Variants in NEK10 observed in about 807,000 individuals in gnomAD.
NEK10 encodes serine/threonine-protein kinase Nek10.
A neutral mutation model predicts 159.8 loss-of-function variants in NEK10; 122 were observed. That is an observed-to-expected ratio of 0.76 (90% confidence interval 0.66 to 0.89). NEK10 has a LOEUF of 0.89. Ranked by LOEUF, NEK10 falls within the 40% of genes least tolerant of loss-of-function variation. NEK10 has a pLI of 0.00. For synonymous variants in NEK10, 466 were observed against 457.1 expected, an observed-to-expected ratio of 1.02 and a Z score of -0.25; for missense variants, 1,342 against 1,323.1, an observed-to-expected ratio of 1.01 and a Z score of -0.22.
intron 25 of NEK10, among the ~76,000 whole-genome samples, chr3:27,194,912 ATATT>A (rs1197452128): frequency 1.3e-5 from 2 of 152,338 alleles, no homozygotes; most frequent in Non-Finnish European, 2.9e-5. Context: ...ACAAAAAAAT[ATATT>A]TATTTTCTTC....
At chr3:27,366,806 C>A (rs985829964) in intron 1 of NEK10, among the ~76,000 whole-genome samples, 20 of 113,626 alleles carry the variant, frequency 1.8e-4, no homozygotes, top group Middle Eastern at 4.4e-3. Flanking sequence ...TCAGTGTGTT[C>A]ATTTTTTTTT....
chr3:27,140,895 T>C (rs1248101188), intron 31 of NEK10, among the ~76,000 whole-genome samples: 1 of 152,214 alleles, frequency 6.6e-6, no homozygotes, highest in Non-Finnish European at 1.5e-5. Context: ...TCTTCTGCAC[T>C]TCTTTGTCTA....
chr3:27,238,238 G>A (rs991295569), intron 23 of NEK10, among the ~76,000 whole-genome samples: 8 of 152,140 alleles, frequency 5.3e-5, no homozygotes, highest in Non-Finnish European at 1.2e-4. Flanking sequence ...ATTGGGATTC[G>A]ATCCAGATAT....
chr3:27,210,549 C>T (rs1361574464), intron 23 of NEK10, among the ~76,000 whole-genome samples: 2 of 152,186 alleles, frequency 1.3e-5, no homozygotes, highest in African/African-American at 4.8e-5. Context: ...ACTAGCCAGG[C>T]CTTTTCTTGT....
At chr3:27,291,228 GAGTATC>G (rs1321807090) in intron 18 of NEK10, 28 bp downstream of exon 18, 4 of 1,598,398 alleles carry the variant, frequency 2.5e-6, no homozygotes, top group Non-Finnish European at 3.4e-6. Context: ...GTTTGGTTGG[GAGTATC>G]AGAAATGTTC....
chr3:27,139,624 A>C (rs1943574708), intron 31 of NEK10, among the ~76,000 whole-genome samples: 1 of 152,222 alleles, frequency 6.6e-6, no homozygotes, highest in Non-Finnish European at 1.5e-5. Context: ...CACGTACTAC[A>C]GACTCCAGAT....
chr3:27,144,535 T>A (rs1254154463), intron 30 of NEK10, among the ~76,000 whole-genome samples: 1 of 152,228 alleles, frequency 6.6e-6, no homozygotes, highest in Non-Finnish European at 1.5e-5. Flanking sequence ...AATCCATTTT[T>A]CTACACCTCG....
chr3:27,164,261 A>C (rs1946280728), intron 29 of NEK10, among the ~76,000 whole-genome samples: 1 of 152,202 alleles, frequency 6.6e-6, no homozygotes. Flanking sequence ...ATGTGTAGGC[A>C]GGACAGCCCC....
chr3:27,223,902 T>A (rs1359357608), intron 23 of NEK10, among the ~76,000 whole-genome samples: 1 of 152,210 alleles, frequency 6.6e-6, no homozygotes, highest in African/African-American at 2.4e-5. Context: ...CTCTGCAAAT[T>A]CTATCCATGT....
At chr3:27,143,554 T>C (rs1943992416) in intron 30 of NEK10, 1 of 685,970 alleles carries the variant, frequency 1.5e-6, no homozygotes, top group Non-Finnish European at 2.6e-6. Flanking sequence ...ACTCAAAAAT[T>C]ATTTTTATTG....
chr3:27,158,634 C>G (rs1389883163), intron 30 of NEK10, among the ~76,000 whole-genome samples: 1 of 152,110 alleles, frequency 6.6e-6, no homozygotes, highest in Admixed American at 6.6e-5. Flanking sequence ...CATAAGAACC[C>G]ATACATCGGT....
At chr3:27,250,573 C>A (rs969511886) in intron 23 of NEK10, among the ~76,000 whole-genome samples, 1 of 152,076 alleles carries the variant, frequency 6.6e-6, no homozygotes, top group Non-Finnish European at 1.5e-5. Context: ...TTGAAGAACC[C>A]CCTTTAGCAT....
intron 1 of NEK10, among the ~76,000 whole-genome samples, chr3:27,364,681 C>A (rs1048599588): frequency 6.6e-6 from 1 of 152,096 alleles, no homozygotes; most frequent in Non-Finnish European, 1.5e-5. Context: ...TTCTTACAAG[C>A]ACATTAGTAT....
intron 9 of NEK10, chr3:27,309,698 G>A (rs1229153458): frequency 1.3e-5 from 2 of 152,192 alleles, no homozygotes; most frequent in African/African-American, 4.8e-5. Flanking sequence ...ATCAGCCATT[G>A]AGAACTCACT....
intron 22 of NEK10, among the ~76,000 whole-genome samples, chr3:27,269,181 G>A (rs911339936): frequency 1.3e-5 from 2 of 152,210 alleles, no homozygotes; most frequent in Non-Finnish European, 2.9e-5. Context: ...GAAAGATGCT[G>A]TGAACGTTGT....
At chr3:27,254,056 C>CCT (rs1296552304) in intron 23 of NEK10, among the ~76,000 whole-genome samples, 1 of 152,132 alleles carries the variant, frequency 6.6e-6, no homozygotes, top group Non-Finnish European at 1.5e-5. Context: ...AATACTCCAA[C>CCT]CTCTCATCCG....
At chr3:27,321,360 A>G (rs1399851240) in intron 6 of NEK10, among the ~76,000 whole-genome samples, 1 of 152,106 alleles carries the variant, frequency 6.6e-6, no homozygotes, top group East Asian at 1.9e-4. Flanking sequence ...TCCCATGCAC[A>G]TTAAAGTTTG....
At chr3:27,363,744 T>C (rs996981782) in intron 1 of NEK10, 6 of 152,224 alleles carry the variant, frequency 3.9e-5, no homozygotes, top group African/African-American at 1.4e-4. Context: ...AGTATTCACA[T>C]TGTGTCAAGT....
chr3:27,200,663 T>C (rs902675441), intron 25 of NEK10, among the ~76,000 whole-genome samples: 6 of 152,152 alleles, frequency 3.9e-5, no homozygotes, highest in Admixed American at 2.0e-4. Flanking sequence ...TAAACAAAAC[T>C]CATGTATGCA....
Sources: allele counts gnomAD v4.1 joint callset (sites outside exome capture counted in the v4.1 genomes callset), GRCh38; gene constraint gnomAD v4.1.1; transcripts MANE v1.5; gene names NCBI Gene and HGNC (gene_info 2026-07-23, HGNC 2026-07-21).